The following CD300C variants were observed in gnomAD, a reference collection of about 807,000 sequenced individuals.
CD300C encodes the protein CD300c molecule.
Under a neutral mutation model 18.4 loss-of-function variants are expected in CD300C, and 11 were observed. The observed-to-expected ratio is 0.60, with a 90% confidence interval of 0.38 to 0.99. The LOEUF is 0.99. Among genes scored for constraint, CD300C ranks in the 50% least tolerant of loss-of-function variants. The pLI, the probability that CD300C is intolerant of heterozygous loss-of-function variation, is 0.01. For synonymous variants in CD300C, 116 were observed against 116.3 expected (o/e 1.00, Z 0.02); for missense variants, 277 against 287.4 (o/e 0.96, Z 0.26).
At chr17:74,540,584 T>C (rs1908513778), downstream of CD300C, among the ~76,000 whole-genome samples, 1 of 152,162 alleles carries the variant, frequency 6.6e-6, no homozygotes, top group Admixed American at 6.5e-5. Context: ...CCAGGAGGAC[T>C]CATGGGAATC....
intron 3 of CD300C, 120 bp from the exon 4 acceptor site, chr17:74,541,856 C>T (rs576927778): frequency 2.0e-6 from 2 of 1,019,822 alleles, no homozygotes; most frequent in African/African-American, 1.6e-5. Flanking sequence ...TAAGCACCCC[C>T]CTGGACAGTC....
At chr17:74,545,050 T>C in intron 1 of CD300C, 103 bp from the exon 2 acceptor site, 1 of 1,082,904 alleles carries the variant, frequency 9.2e-7, no homozygotes, top group Non-Finnish European at 1.3e-6. Flanking sequence ...GAGAAGGCAA[T>C]GGCAGGCAGG....
At position 74,544,606 on chromosome 17, in the gene CD300C, C is replaced by G; in HGVS notation, c.400+3G>C. 1.2e-6 allele frequency: 2 copies of G among 1,606,324 alleles called. No homozygotes were observed. Among genetic ancestry groups the G allele is most frequent in the Non-Finnish European group, 1.7e-6 (2 of 1,174,206 alleles). On this transcript the variant is annotated splice_donor_region_variant and intron_variant, in intron 2 of 3. Transcript: ENST00000330793. ...CCTGGTGCTGAGAAAAGGAGGGGCT[C>G]ACCCGGGAACACGGACACCTCAACC...
At chr17:74,535,943 C>T in the CD300C span, among the ~76,000 whole-genome samples, 1 of 152,156 alleles carries the variant, frequency 6.6e-6, no homozygotes, top group Non-Finnish European at 1.5e-5. Flanking sequence ...GAAATAAACA[C>T]CTGCCAGGGG....
chr17:74,545,926 G>A lies in CD300C; in HGVS notation c.-144C>T. 1 of 737,924 alleles carries A rather than the reference G, an allele frequency of 1.4e-6. No homozygotes were observed. Among genetic ancestry groups the A allele is most frequent in the Admixed American group, 2.1e-5 (1 of 46,656 alleles). 45.7% of individuals were successfully genotyped at this position (737,924 alleles called of 1,614,324 possible). On this transcript the variant is annotated 5_prime_UTR_variant, in exon 1 of 4. Transcript: ENST00000330793. ...CCAGCCCTGTCTCAGGTCTGAGGCTGGAGAGGGTCAGGGTACAGGAAGCTC... is the reference window on the plus strand; with the variant it reads ...CCAGCCCTGTCTCAGGTCTGAGGCTAGAGAGGGTCAGGGTACAGGAAGCTC...
downstream of CD300C, among the ~76,000 whole-genome samples, chr17:74,540,849 G>A (rs1908521917): frequency 6.6e-6 from 1 of 152,180 alleles, no homozygotes; most frequent in African/African-American, 2.4e-5. Flanking sequence ...GGTAGGCCTG[G>A]TTATGCTACC....
chr17:74,544,518 T>G, intron 2 of CD300C, 91 bp downstream of exon 2: 1 of 1,433,814 alleles, frequency 7.0e-7, no homozygotes, highest in Admixed American at 2.1e-5. Flanking sequence ...ACCCCCAGGC[T>G]CACACCCTCC....
chr17:74,545,268 CTGTGTGTGCAT>C (rs1908716428), intron 1 of CD300C, among the ~76,000 whole-genome samples: 1 of 148,166 alleles, frequency 6.7e-6, no homozygotes, highest in East Asian at 2.0e-4. Context: ...CTGTGTGTGA[CTGTGTGTGCAT>C]GTGTGACTGT....
At chr17:74,545,226 C>T (rs936425873) in intron 1 of CD300C, among the ~76,000 whole-genome samples, 8 of 151,406 alleles carry the variant, frequency 5.3e-5, no homozygotes, top group Non-Finnish European at 1.2e-4. Context: ...GTGTGTGTGA[C>T]TGTGTGAGTG....
chr17:74,544,698 T>C lies in CD300C; in HGVS notation c.311A>G (p.Asp104Gly), dbSNP rs1451715565. Residue 104 changes from aspartate to glycine, a missense_variant, in exon 2 of 4, where the codon GAC becomes GGC. Physicochemically the swap from Asp to Gly is moderately conservative, Grantham distance 94. Transcript: ENST00000330793. ...CACCCCACACCAGTAGGTGCCTGCG[T>C]CCTCCTCTGTGAGATTCTCCAGGGT... Reference protein sequence around the residue: ...TVTLENLTEEDAGTYWCGVDT... With the variant: ...TVTLENLTEEGAGTYWCGVDT... 1.9e-6 allele frequency: 3 copies of C among 1,614,174 alleles called. No individual in the cohort carries two copies. Among genetic ancestry groups the C allele is most frequent in the Non-Finnish European group, 2.5e-6 (3 of 1,180,040 alleles).
At position 74,545,979 on chromosome 17, in the gene CD300C, G is replaced by A. The variant is rs906641427; in HGVS notation, c.-197C>T. On this transcript the variant is annotated 5_prime_UTR_variant, in exon 1 of 4. Transcript: ENST00000330793. ...GGAGAGAGCCGCCTGGGCTGAGGCC[G>A]GTGCTGACAGCTCTGGGATGGTGCT... is the stretch of plus-strand genomic sequence containing the variant. The A allele has an allele frequency of 2.9e-5, 17 of 579,516 alleles. No homozygotes were observed. Among genetic ancestry groups the A allele is most frequent in the Admixed American group, 1.1e-4 (4 of 36,030 alleles). The allele number at this position is 579,516 out of a possible 1,614,324, so 35.9% of individuals were successfully genotyped here. A position where few individuals can be genotyped will look rare whatever the true frequency, so the allele number is the denominator to read the frequency against.
At chr17:74,544,978 T>C in intron 1 of CD300C, 31 bp from the exon 2 acceptor site, 1 of 1,571,904 alleles carries the variant, frequency 6.4e-7, no homozygotes, top group Non-Finnish European at 8.7e-7. Flanking sequence ...TCCTGTCTCC[T>C]TACCAGAGGG....
rs745793796 is a variant in CD300C at position 74,541,544 on chromosome 17, C to T, written c.*45G>A. 1.1e-5 allele frequency: 16 copies of T among 1,396,122 alleles called. No homozygotes were observed. Among genetic ancestry groups the T allele is most frequent in the Non-Finnish European group, 1.5e-5 (15 of 981,860 alleles). 86.5% of individuals were successfully genotyped at this position (1,396,122 alleles called of 1,614,324 possible). ...TGGTCAGGAGGTCATTCCAGTCCCC[C>T]AGAGGGGCTCTGTTGCAGCACAGGG... On this transcript the variant is annotated 3_prime_UTR_variant, in exon 4 of 4. Transcript: ENST00000330793.
Position 74,542,866 on chromosome 17 carries a change from G to A in CD300C, c.522C>T (p.His174=), listed in dbSNP as rs1209729502. 4 of 1,606,436 alleles carry A rather than the reference G, an allele frequency of 2.5e-6. No individual in the cohort carries two copies. The highest frequency in any genetic ancestry group is 1.1e-5 in the South Asian group (1 of 91,000). ...TRKDSPEPSP[H]PGSLFSNVRF... ...CCTATGCGCAGGCACCTTACCCAGG[G>A]TGTGGGCTGGGTTCGGGGCTGTCCT... The change falls in exon 3 of 4, where the codon CAC becomes CAT. Residue 174 remains histidine (H), a synonymous_variant. Transcript: ENST00000330793.
At chr17:74,545,187 G>T (rs1908710880) in intron 1 of CD300C, among the ~76,000 whole-genome samples, 1 of 152,132 alleles carries the variant, frequency 6.6e-6, no homozygotes, top group Admixed American at 6.5e-5. Context: ...GGTGTGTGCG[G>T]GCCTGTGTGT....
rs372468549 is a variant in CD300C at position 74,544,838 on chromosome 17, G to A, written c.171C>T (p.Cys57=). The A allele has an allele frequency of 3.0e-4, 482 of 1,614,262 alleles. 1 individual carries two copies. In the Middle Eastern group the frequency reaches 9.4e-3, roughly 31 times the overall value. Residue 57 remains cysteine (C), a synonymous_variant, in exon 2 of 4, where the codon TGC becomes TGT. Coordinates refer to ENST00000330793, the MANE Select transcript of CD300C (RefSeq NM_006678.5). ...KEHRTLNKFW[C]RPPQILRCDK... ...CACATCGGAGAATCTGTGGTGGTCT[G>A]CACCAGAATTTGTTGAGGGTCCTGT...
At position 74,544,903 on chromosome 17, in the gene CD300C, C is replaced by A; in HGVS notation, c.106G>T (p.Gly36Trp). The change falls in exon 2 of 4, where the codon GGG becomes TGG. Residue 36 changes from glycine to tryptophan, a missense_variant. Gly to Trp is a radical substitution (Grantham distance 184, BLOSUM62 -2). Transcript: ENST00000330793. ...SHPMTVAGPV[G>W]GSLSVQCRYE... is the part of the protein sequence containing the mutation. ...CGACACTGCACACTCAGGGATCCCCCCACGGGGCCCGCCACGGTCATGGGG... is the reference window on the plus strand; with the variant it reads ...CGACACTGCACACTCAGGGATCCCCACACGGGGCCCGCCACGGTCATGGGG... 1.2e-6 allele frequency: 2 copies of A among 1,613,576 alleles called. No homozygotes were observed. The highest frequency in any genetic ancestry group is 1.7e-6 in the Non-Finnish European group (2 of 1,179,704).
intron 3 of CD300C, among the ~76,000 whole-genome samples, chr17:74,542,487 C>T (rs1908586398): frequency 6.6e-6 from 1 of 152,222 alleles, no homozygotes; most frequent in Admixed American, 6.5e-5. Flanking sequence ...ATTCTCAAAC[C>T]CTCTTCTGAT....
intron 2 of CD300C, among the ~76,000 whole-genome samples, chr17:74,543,525 A>G (rs1908634349): frequency 6.6e-6 from 1 of 152,188 alleles, no homozygotes; most frequent in Admixed American, 6.5e-5. Flanking sequence ...AGATCTAGAG[A>G]GGGGATGCCC....
Sources: allele counts gnomAD v4.1 joint callset (sites outside exome capture counted in the v4.1 genomes callset), GRCh38; gene constraint gnomAD v4.1.1; transcripts MANE v1.5; gene names NCBI Gene and HGNC (gene_info 2026-07-23, HGNC 2026-07-21).